Variants in USP3 observed in about 807,000 individuals in gnomAD.
The protein encoded by USP3 is ubiquitin carboxyl-terminal hydrolase 3.
Under a neutral mutation model 72.3 loss-of-function variants are expected in USP3, and 20 were observed. That is an observed-to-expected ratio of 0.28 (90% CI 0.19 to 0.40). The LOEUF (loss-of-function observed/expected upper bound fraction) is 0.40. USP3 is among the 10% of genes least tolerant of loss of function. The pLI, the probability that USP3 is intolerant of heterozygous loss-of-function variation, is 1.00. For synonymous variants in USP3, 222 were observed against 225.3 expected (o/e 0.99, Z 0.13); for missense variants, 479 against 633.9 (o/e 0.76, Z 2.62).
chr15:63,550,436 A>T (rs756293149), intron 3 of USP3, among the ~76,000 whole-genome samples: 20 of 152,242 alleles, frequency 1.3e-4, no homozygotes, highest in Non-Finnish European at 2.5e-4. Context: ...TGATGTTGGA[A>T]CACTGTCTTG....
Position 63,570,444 on chromosome 15 carries a change from A to G in USP3, c.773A>G (p.Gln258Arg). 1.2e-6 allele frequency: 2 copies of G among 1,614,190 alleles called. No homozygotes were observed. Among genetic ancestry groups the G allele is most frequent in the Non-Finnish European group, 1.7e-6 (2 of 1,180,038 alleles). The stretch of plus-strand genomic sequence containing the variant: ...TTTGTTTGCTTTAGGGGCTATCAAC[A>G]GCAGGACGCCCATGAATTCATGCGC... The part of the protein sequence containing the change: ...KIMPNFRGYQ[Q>R]QDAHEFMRYL... The change falls in exon 9 of 15, where the codon CAG (glutamine) becomes CGG (arginine). Residue 258 changes from glutamine (Q) to arginine (R), a missense_variant. By Grantham distance (43) the Gln-to-Arg change is conservative. Coordinates refer to ENST00000380324, the MANE Select transcript of USP3 (RefSeq NM_006537.4). The surrounding 1 kb of genome is among the most constrained non-coding windows in gnomAD (Gnocchi z 4.4).
intron 11 of USP3, chr15:63,587,700 T>A (rs751188426): frequency 7.9e-5 from 12 of 152,354 alleles, no homozygotes; most frequent in Middle Eastern, 3.4e-3. Flanking sequence ...TGTAAACAAG[T>A]GGGCATGGCT....
At chr15:63,562,516 A>G (rs1288875697) in intron 7 of USP3, among the ~76,000 whole-genome samples, 1 of 152,190 alleles carries the variant, frequency 6.6e-6, no homozygotes, top group Non-Finnish European at 1.5e-5. Flanking sequence ...AGTGGCAAGA[A>G]GGACAAGGCA....
At chr15:63,511,192 G>A (rs915773369) in intron 1 of USP3, among the ~76,000 whole-genome samples, 3 of 132,034 alleles carry the variant, frequency 2.3e-5, no homozygotes, top group African/African-American at 8.2e-5. Context: ...AGTTGCCCAA[G>A]ATGCTTGGGG....
At chr15:63,527,764 A>T (rs187014784) in intron 1 of USP3, 1 of 152,262 alleles carries the variant, frequency 6.6e-6, no homozygotes, top group African/African-American at 2.4e-5. Flanking sequence ...GTCTCTCTTG[A>T]TAAAGGGCCA....
intron 3 of USP3, among the ~76,000 whole-genome samples, chr15:63,545,762 A>C (rs2066312419): frequency 6.6e-6 from 1 of 151,916 alleles, no homozygotes; most frequent in African/African-American, 2.4e-5. Flanking sequence ...TTTGAGCCCA[A>C]GAGTTCGAGA....
At chr15:63,536,350 A>T (rs1003768291) in intron 2 of USP3, among the ~76,000 whole-genome samples, 6 of 152,116 alleles carry the variant, frequency 3.9e-5, no homozygotes, top group African/African-American at 1.4e-4. Flanking sequence ...TATGTTAAGC[A>T]GCAACTTGAG....
chr15:63,577,452 C>T (rs1181701074), intron 11 of USP3, among the ~76,000 whole-genome samples: 1 of 152,066 alleles, frequency 6.6e-6, no homozygotes, highest in Admixed American at 6.6e-5. Context: ...CATAGTGAGA[C>T]CCTGTCTGTA....
intron 14 of USP3, 30 bp from the exon 15 acceptor site, chr15:63,590,628 GTTC>G: frequency 6.7e-7 from 1 of 1,494,690 alleles, no homozygotes; most frequent in Non-Finnish European, 8.9e-7. Context: ...GATTTCTGAG[GTTC>G]TTTTTTCCTT....
At chr15:63,542,012 A>T (rs2066252337) in intron 3 of USP3, 1 of 981,998 alleles carries the variant, frequency 1.0e-6, no homozygotes, top group Non-Finnish European at 1.2e-6. Flanking sequence ...TTACTGTTGC[A>T]TAAAAAATGT....
At chr15:63,524,044 G>A (rs892481166) in intron 1 of USP3, among the ~76,000 whole-genome samples, 14 of 152,162 alleles carry the variant, frequency 9.2e-5, no homozygotes, top group Non-Finnish European at 1.5e-4. Flanking sequence ...TTGAAAATTT[G>A]AAGGTTTTAA....
At chr15:63,519,800 A>G (rs2065894028) in intron 1 of USP3, among the ~76,000 whole-genome samples, 1 of 152,208 alleles carries the variant, frequency 6.6e-6, no homozygotes, top group African/African-American at 2.4e-5. Context: ...GCATTCTGCT[A>G]TAAGAAAGAA....
At chr15:63,555,993 A>G (rs2066501598) in intron 4 of USP3, among the ~76,000 whole-genome samples, 1 of 152,252 alleles carries the variant, frequency 6.6e-6, no homozygotes. Context: ...CCTGAGACAT[A>G]AAATTTTAAA....
At chr15:63,533,067 G>A (rs2066101700) in intron 2 of USP3, among the ~76,000 whole-genome samples, 1 of 152,064 alleles carries the variant, frequency 6.6e-6, no homozygotes, top group Non-Finnish European at 1.5e-5. Flanking sequence ...CAAACATAGA[G>A]ATGGTATAAT....
chr15:63,557,152 C>A (rs920328336), intron 5 of USP3, among the ~76,000 whole-genome samples: 6 of 152,228 alleles, frequency 3.9e-5, no homozygotes, highest in African/African-American at 1.4e-4. Context: ...CTCACTGGAA[C>A]CTCTGCCTCC....
At position 63,592,742 on chromosome 15, in the gene USP3, A is replaced by G. The variant is rs944786154; in HGVS notation, c.*1916A>G. 6.7e-6 allele frequency: 1 copy of G among 149,408 alleles called. No individual in the cohort carries two copies. Among genetic ancestry groups the G allele is most frequent in the African/African-American group, 2.5e-5 (1 of 40,792 alleles). 9.3% of individuals were successfully genotyped at this position (149,408 alleles called of 1,614,324 possible). A position where few individuals can be genotyped will look rare whatever the true frequency, so the allele number is the denominator to read the frequency against. On this transcript the variant is annotated 3_prime_UTR_variant, in exon 15 of 15. Coordinates refer to ENST00000380324, the MANE Select transcript of USP3 (RefSeq NM_006537.4). The stretch of plus-strand genomic sequence containing the variant: ...TGAGCCACCACGCCCAGCCTGTTCT[A>G]TTAAAAACATCTTGACCTTTTTTTT...
At chr15:63,514,089 T>G (rs1285205438) in intron 1 of USP3, among the ~76,000 whole-genome samples, 4 of 152,246 alleles carry the variant, frequency 2.6e-5, no homozygotes, top group Non-Finnish European at 5.9e-5. Context: ...AGACTTCACC[T>G]TAAGTGTATG....
At chr15:63,524,558 CAG>C (rs1225586947) in intron 1 of USP3, among the ~76,000 whole-genome samples, 2 of 152,178 alleles carry the variant, frequency 1.3e-5, no homozygotes, top group African/African-American at 2.4e-5. Flanking sequence ...CGTGGACTCA[CAG>C]AGTTACCAGA....
chr15:63,505,111 G>A (rs1490052995), intron 1 of USP3, among the ~76,000 whole-genome samples: 3 of 151,354 alleles, frequency 2.0e-5, no homozygotes, highest in African/African-American at 7.3e-5. Context: ...GGCAGGCGGG[G>A]ACCCTGGCCA....
Sources: gnomAD v4.1 joint callset for allele counts (sites outside exome capture counted in the v4.1 genomes callset) on GRCh38, gnomAD v4.1.1 for gene constraint, Gnocchi (gnomAD v3.1) non-coding constraint, MANE v1.5 for transcripts, NCBI Gene and HGNC (gene_info 2026-07-23, HGNC 2026-07-21) for gene names.